The following MBOAT2 variants were observed in gnomAD, a reference collection of about 807,000 sequenced individuals.
The protein encoded by MBOAT2 is membrane bound glycerophospholipid O-acyltransferase 2.
A neutral mutation model predicts 63.4 loss-of-function variants in MBOAT2; 28 were observed. That is an observed-to-expected ratio of 0.44 (90% confidence interval 0.33 to 0.61). MBOAT2 has a LOEUF of 0.61. MBOAT2 is among the 20% of genes least tolerant of loss of function. The pLI is 0.03. For synonymous variants in MBOAT2, 211 were observed against 215.6 expected (o/e 0.98, Z 0.19); for missense variants, 470 against 605.8 (o/e 0.78, Z 2.35).
At chr2:8,914,833 A>G (rs761156901) in intron 3 of MBOAT2, among the ~76,000 whole-genome samples, 9 of 151,068 alleles carry the variant, frequency 6.0e-5, no homozygotes, top group Admixed American at 2.6e-4. Context: ...ACTTGAAATG[A>G]TATTATTTTG....
chr2:8,965,490 T>C (rs1004589356), intron 1 of MBOAT2, among the ~76,000 whole-genome samples: 2 of 152,222 alleles, frequency 1.3e-5, no homozygotes, highest in African/African-American at 2.4e-5. Flanking sequence ...CCTGATCTTA[T>C]CATTTTTAAA....
chr2:8,872,024 AATC>A (rs1425371173), intron 8 of MBOAT2, among the ~76,000 whole-genome samples: 2 of 152,318 alleles, frequency 1.3e-5, no homozygotes, highest in African/African-American at 4.8e-5. Context: ...ACGTGGCCAG[AATC>A]ATCTTCTTCT....
intron 3 of MBOAT2, among the ~76,000 whole-genome samples, chr2:8,938,397 C>T (rs1018050796): frequency 1.3e-5 from 2 of 152,140 alleles, no homozygotes; most frequent in African/African-American, 4.8e-5. Context: ...ACACACATTA[C>T]ACACTCACAC....
intron 8 of MBOAT2, among the ~76,000 whole-genome samples, chr2:8,872,169 C>A (rs917572929): frequency 6.6e-6 from 1 of 152,216 alleles, no homozygotes; most frequent in African/African-American, 2.4e-5. Flanking sequence ...ACATCTGCCA[C>A]GCAAAGCGAG....
chr2:8,910,362 A>G (rs927851127), intron 3 of MBOAT2, among the ~76,000 whole-genome samples: 2 of 152,166 alleles, frequency 1.3e-5, no homozygotes, highest in Non-Finnish European at 2.9e-5. Context: ...GTGGTTAGAC[A>G]TGTGAGTGAG....
chr2:8,910,322 G>T (rs1165859996), intron 3 of MBOAT2, among the ~76,000 whole-genome samples: 1 of 152,162 alleles, frequency 6.6e-6, no homozygotes, highest in Non-Finnish European at 1.5e-5. Context: ...GCAGCGTGGA[G>T]ATGGAGAGTG....
At chr2:8,973,763 CA>C (rs1670627354) in intron 1 of MBOAT2, among the ~76,000 whole-genome samples, 1 of 151,948 alleles carries the variant, frequency 6.6e-6, no homozygotes, top group South Asian at 2.1e-4. Context: ...AAATTAAAAT[CA>C]AAGTAAAATA....
chr2:8,919,172 C>T (rs1666397099), intron 3 of MBOAT2, among the ~76,000 whole-genome samples: 1 of 152,178 alleles, frequency 6.6e-6, no homozygotes, highest in Non-Finnish European at 1.5e-5. Flanking sequence ...AATATTTGGG[C>T]TGTTTGAAGC....
chr2:8,975,427 A>G (rs1573221971), intron 1 of MBOAT2, among the ~76,000 whole-genome samples: 3 of 152,038 alleles, frequency 2.0e-5, no homozygotes, highest in Admixed American at 2.0e-4. Context: ...TTATTCATCT[A>G]TGCATTACTA....
intron 1 of MBOAT2, among the ~76,000 whole-genome samples, chr2:8,976,540 C>T (rs893155553): frequency 2.0e-5 from 3 of 152,116 alleles, no homozygotes; most frequent in Admixed American, 6.5e-5. Context: ...AGAACACAGA[C>T]GCACAGAAAG....
rs78135207 is a variant in MBOAT2 at position 8,881,012 on chromosome 2, G to A, written c.506+1499C>T. 5.2e-3 allele frequency among the ~76,000 whole-genome samples: 795 copies of A among 152,328 alleles called. 10 individuals carry two copies. The highest frequency in any genetic ancestry group is 0.02 in the South Asian group (98 of 4,824). ...AATGGGGTGATGGCCAGAAGGGAAT[G>A]AGAGGTGTCATGAGCTTGTTCTGTT... On this transcript the variant is annotated intron_variant, in intron 6 of 12. Coordinates refer to ENST00000305997, the MANE Select transcript of MBOAT2 (RefSeq NM_138799.4).
chr2:8,887,869 C>T, intron 5 of MBOAT2, 149 bp downstream of exon 5: 1 of 745,420 alleles, frequency 1.3e-6, no homozygotes, highest in Admixed American at 2.4e-5. Flanking sequence ...AAGCATTTTT[C>T]ATAATCCTAA....
rs1660901601 is a variant in MBOAT2, at chr2:8,853,618, C to T, written c.*5061G>A. On this transcript the variant is annotated 3_prime_UTR_variant, in exon 13 of 13. Transcript: ENST00000305997. The stretch of plus-strand genomic sequence containing the variant: ...TTGCTCTGTAACTTTTGGTTTTTCA[C>T]TGTAGCATTTCCATTTATTTTTAGT... The T allele has an allele frequency of 1.3e-5, 2 of 152,202 alleles. No homozygotes were observed. The highest frequency in any genetic ancestry group is 1.5e-5 in the Non-Finnish European group (1 of 68,036). The allele number at this position is 152,202 out of a possible 1,614,324, so 9.4% of individuals were successfully genotyped here. A position where few individuals can be genotyped will look rare whatever the true frequency, so the allele number is the denominator to read the frequency against.
intron 3 of MBOAT2, among the ~76,000 whole-genome samples, chr2:8,911,410 A>G (rs1046395744): frequency 5.3e-5 from 8 of 152,216 alleles, no homozygotes; most frequent in Admixed American, 1.3e-4. Flanking sequence ...GCTGCCATCA[A>G]TAACATCCCT....
intron 1 of MBOAT2, among the ~76,000 whole-genome samples, chr2:8,976,222 G>A (rs1381987357): frequency 6.6e-6 from 1 of 151,936 alleles, no homozygotes; most frequent in Admixed American, 6.6e-5. Context: ...GAAAGCGAGC[G>A]ATTTAATCAA....
intron 9 of MBOAT2, among the ~76,000 whole-genome samples, chr2:8,866,344 G>A (rs543095395): frequency 5.9e-5 from 9 of 152,118 alleles, no homozygotes; most frequent in Admixed American, 2.6e-4. Context: ...TTTCAGGGGG[G>A]AAATTATTAG....
chr2:8,859,750 G>A (rs1043466175), intron 12 of MBOAT2, among the ~76,000 whole-genome samples: 4 of 152,148 alleles, frequency 2.6e-5, no homozygotes, highest in African/African-American at 9.7e-5. Context: ...ATGGGGAAGT[G>A]GAATTTGGTG....
At chr2:8,984,494 A>C (rs989310370) in intron 1 of MBOAT2, among the ~76,000 whole-genome samples, 1 of 152,188 alleles carries the variant, frequency 6.6e-6, no homozygotes, top group African/African-American at 2.4e-5. Context: ...GATGGGGTCT[A>C]GAAAGGGCAT....
At chr2:8,879,598 A>G (rs541770095) in intron 6 of MBOAT2, among the ~76,000 whole-genome samples, 1 of 152,148 alleles carries the variant, frequency 6.6e-6, no homozygotes, top group Non-Finnish European at 1.5e-5. Context: ...CTTTGGGCCC[A>G]TGATTCTCTG....
Sources: allele counts gnomAD v4.1 joint callset (sites outside exome capture counted in the v4.1 genomes callset), GRCh38; gene constraint gnomAD v4.1.1; transcripts MANE v1.5; gene names NCBI Gene and HGNC (gene_info 2026-07-23, HGNC 2026-07-21).